The following ZNF180 variants were observed in gnomAD, a reference collection of about 807,000 sequenced individuals.
ZNF180 encodes the protein zinc finger protein 180 (HHZ168).
ZNF180 carries 11 observed loss-of-function variants against 11.8 expected under a neutral mutation model. That is an observed-to-expected ratio of 0.93 (90% CI 0.59 to 1.55). The LOEUF (loss-of-function observed/expected upper bound fraction) is 1.55. ZNF180 is among the 40% of genes most tolerant of loss of function. The pLI is 0.00. For missense variants in ZNF180, 773 were observed against 781.7 expected (o/e 0.99, Z 0.13); for synonymous variants, 287 against 257.7 (o/e 1.11, Z -1.09).
rs1969852241 is a variant in ZNF180 at position 44,475,865 on chromosome 19, A to G, written c.*537T>C. Reference sequence around the variant, plus strand: ...CACTATATATCATAGACACTTTCCTAAAATTTATAAAATCTTCACATGTAA... The same window carrying G: ...CACTATATATCATAGACACTTTCCTGAAATTTATAAAATCTTCACATGTAA... On this transcript the variant is annotated 3_prime_UTR_variant, in exon 5 of 5. Transcript: ENST00000592529. 1.3e-5 allele frequency: 2 copies of G among 152,290 alleles called. No homozygotes were observed. The allele number at this position is 152,290 out of a possible 1,614,324, so 9.4% of individuals were successfully genotyped here.
intron 1 of ZNF180, among the ~76,000 whole-genome samples, chr19:44,499,335 T>C (rs769641890): frequency 1.3e-5 from 2 of 152,184 alleles, no homozygotes; most frequent in African/African-American, 4.8e-5. Context: ...AACCTGCACA[T>C]TCTCACGCCT....
rs1306453526 is a variant in ZNF180 at position 44,475,804 on chromosome 19, GTGAA to G, written c.*594_*597del. 1.3e-5 allele frequency: 2 copies of G among 152,148 alleles called. No homozygotes were observed. Among genetic ancestry groups the G allele is most frequent in the African/African-American group, 4.8e-5 (2 of 41,432 alleles). 9.4% of individuals were successfully genotyped at this position (152,148 alleles called of 1,614,324 possible). On this transcript the variant is annotated 3_prime_UTR_variant, in exon 5 of 5. Coordinates refer to ENST00000592529, the MANE Select transcript of ZNF180 (RefSeq NM_001278509.3). ...ATATTTTATCATAATGGTTTTAGAA[GTGAA>G]TATTATTTCTATATTCTTTTCCCAC...
intron 4 of ZNF180, among the ~76,000 whole-genome samples, chr19:44,478,395 C>T (rs1969990100): frequency 6.6e-6 from 1 of 152,130 alleles, no homozygotes; most frequent in African/African-American, 2.4e-5. Context: ...ATAAATAAGA[C>T]TCTGGATGTC....
At position 44,476,437 on chromosome 19, in the gene ZNF180, T is replaced by C. The variant is rs1252767393; in HGVS notation, c.1963A>G (p.Thr655Ala). Residue 655 changes from threonine (T) to alanine (A), a missense_variant, in exon 5 of 5, where the codon ACT (threonine) becomes GCT (alanine). Thr to Ala is a moderately conservative substitution (Grantham distance 58). Coordinates refer to ENST00000592529, the MANE Select transcript of ZNF180 (RefSeq NM_001278509.3). ...NSYKLIRHQA[T>A]HTEEKLYECN Reference sequence around the variant, plus strand: ...TCATAGAGTTTCTCTTCAGTATGAGTTGCCTGATGCCTAATAAGTTTATAG... The same window carrying C: ...TCATAGAGTTTCTCTTCAGTATGAGCTGCCTGATGCCTAATAAGTTTATAG... 11 of 1,606,526 alleles carry C rather than the reference T, an allele frequency of 6.8e-6. No homozygotes were observed. The highest frequency in any genetic ancestry group is 9.4e-6 in the Non-Finnish European group (11 of 1,175,564).
chr19:44,488,921 C>G (rs1466205268), intron 2 of ZNF180, among the ~76,000 whole-genome samples: 1 of 150,910 alleles, frequency 6.6e-6, no homozygotes, highest in Non-Finnish European at 1.5e-5. Context: ...GCAACCGCCC[C>G]GTCTGAGAAG....
At position 44,476,605 on chromosome 19, in the gene ZNF180, T is replaced by C; in HGVS notation, c.1795A>G (p.Thr599Ala). 6.2e-7 allele frequency: 1 copy of C among 1,614,162 alleles called. No homozygotes were observed. Among genetic ancestry groups the C allele is most frequent in the Non-Finnish European group, 8.5e-7 (1 of 1,180,000 alleles). ...QSSCLTQHQR[T>A]HTGEKPFECN... ...TCAAATGGTTTCTCTCCAGTATGAG[T>C]TCTCTGATGTTGAGTAAGGCATGAA... The change falls in exon 5 of 5, where the codon ACT becomes GCT. Residue 599 changes from threonine to alanine, a missense_variant. Transcript: ENST00000592529.
intron 2 of ZNF180, among the ~76,000 whole-genome samples, chr19:44,493,547 G>A (rs1359261135): frequency 5.3e-5 from 8 of 152,220 alleles, no homozygotes; most frequent in African/African-American, 1.9e-4. Flanking sequence ...GAGTTGAGAA[G>A]TGTGGTAGCC....
intron 4 of ZNF180, 50 bp downstream of exon 4, chr19:44,479,233 T>C: frequency 6.3e-7 from 1 of 1,593,160 alleles, no homozygotes; most frequent in Non-Finnish European, 8.5e-7. Context: ...GATCAGAATG[T>C]GAAATCATTT....
At chr19:44,488,554 G>A (rs1429761585) in intron 2 of ZNF180, among the ~76,000 whole-genome samples, 2 of 152,190 alleles carry the variant, frequency 1.3e-5, no homozygotes, top group South Asian at 4.1e-4. Context: ...ACGGAGTCTC[G>A]TTCACTCAGT....
intron 2 of ZNF180, among the ~76,000 whole-genome samples, chr19:44,492,240 T>C (rs1169297444): frequency 6.6e-6 from 1 of 152,238 alleles, no homozygotes. Flanking sequence ...TTTATCTTTG[T>C]ATTCTCCTCA....
Position 44,478,022 on chromosome 19 carries a change from T to G in ZNF180, c.378A>C (p.Glu126Asp). The G allele has an allele frequency of 6.2e-7, 1 of 1,614,108 alleles. No individual in the cohort carries two copies. Among genetic ancestry groups the G allele is most frequent in the Non-Finnish European group, 8.5e-7 (1 of 1,179,986 alleles). ...ACTGGTCTTTACAATCATCCACTTCTTCACATGAAGATAACCAAGGATCAT... is the reference window on the plus strand; with the variant it reads ...ACTGGTCTTTACAATCATCCACTTCGTCACATGAAGATAACCAAGGATCAT... ...TRDDPWLSSC[E>D]EVDDCKDQLE... The change falls in exon 5 of 5, where the codon GAA becomes GAC. Residue 126 changes from glutamate to aspartate, a missense_variant. Physicochemically the swap from Glu to Asp is conservative, Grantham distance 45. Transcript: ENST00000592529.
Position 44,500,409 on chromosome 19 carries a change from T to A in ZNF180, c.-178A>T. 1 of 761,642 alleles carries A rather than the reference T, an allele frequency of 1.3e-6. No individual in the cohort carries two copies. 47.2% of individuals were successfully genotyped at this position (761,642 alleles called of 1,614,324 possible). ...GCAACACGGCCGACTCGGGTTAAGC[T>A]AGTTCGGTCCCCTCTCCTAGTCAGC... On this transcript the variant is annotated 5_prime_UTR_variant, in exon 1 of 5. Coordinates refer to ENST00000592529, the MANE Select transcript of ZNF180 (RefSeq NM_001278509.3).
At position 44,489,002 on chromosome 19, in the gene ZNF180, G is replaced by T. The variant is rs1396839856; in HGVS notation, c.52-4567C>A. On this transcript the variant is annotated intron_variant, in intron 2 of 4. Transcript: ENST00000592529. ...AGCCCCTCCGCCCGGCAGCCACCCT[G>T]TCTGGGAAGTGAGTAGCGTCTCCGC... Among the ~76,000 whole-genome samples the T allele has an allele frequency of 8.6e-5, 13 of 150,298 alleles. 1 individual carries two copies. Among genetic ancestry groups the T allele is most frequent in the African/African-American group, 3.2e-4 (13 of 40,704 alleles).
chr19:44,496,331 T>G (rs563545384), intron 2 of ZNF180, among the ~76,000 whole-genome samples: 198 of 152,178 alleles, frequency 1.3e-3, no homozygotes, highest in Non-Finnish European at 2.2e-3. Flanking sequence ...TTGTCAATAT[T>G]TTTACCTTAA....
chr19:44,484,396 C>T lies in ZNF180; in HGVS notation c.91G>A (p.Gly31Arg), dbSNP rs1322698615. Reference sequence around the variant, plus strand: ...ATGGTCAGAGACCCAGTGTCTTCTCCCTCGACTTTGATGATAATCTCTTGA... The same window carrying T: ...ATGGTCAGAGACCCAGTGTCTTCTCTCTCGACTTTGATGATAATCTCTTGA... ...LPQEIIIKVE[G>R]EDTGSLTIPS... The change falls in exon 3 of 5, where the codon GGA (glycine) becomes AGA (arginine). Residue 31 changes from glycine (G) to arginine (R), a missense_variant. By Grantham distance (125) the Gly-to-Arg change is moderately radical. Coordinates refer to ENST00000592529, the MANE Select transcript of ZNF180 (RefSeq NM_001278509.3). 6.2e-7 allele frequency: 1 copy of T among 1,614,086 alleles called. No homozygotes were observed. Among genetic ancestry groups the T allele is most frequent in the Middle Eastern group, 1.6e-4 (1 of 6,062 alleles).
intron 2 of ZNF180, among the ~76,000 whole-genome samples, chr19:44,494,239 T>C (rs1045777859): frequency 6.6e-6 from 1 of 152,092 alleles, no homozygotes; most frequent in African/African-American, 2.4e-5. Context: ...AGTCAATAAA[T>C]ATGTGACAAA....
intron 2 of ZNF180, chr19:44,496,672 C>CAAAAAAAAAAAAAAAAAAAAAAAGAAAA (rs1970591395): frequency 1.4e-5 from 1 of 71,624 alleles, no homozygotes; most frequent in African/African-American, 7.0e-5. Flanking sequence ...GACTCTGTCT[C>CAAAAAAAAAAAAAAAAAAAAAAAGAAAA]AAAAAAAAAA....
chr19:44,484,766 T>C, intron 2 of ZNF180: 1 of 290,662 alleles, frequency 3.4e-6, no homozygotes, highest in Non-Finnish European at 6.5e-6. Context: ...CAGCGGGACC[T>C]GCCAAAATTC....
intron 2 of ZNF180, among the ~76,000 whole-genome samples, chr19:44,491,062 G>C (rs746130087): frequency 1.3e-5 from 2 of 152,202 alleles, no homozygotes; most frequent in African/African-American, 2.4e-5. Context: ...TGTTTACCGT[G>C]ACTCCACCAT....
Sources: gnomAD v4.1 joint callset for allele counts (sites outside exome capture counted in the v4.1 genomes callset) on GRCh38, gnomAD v4.1.1 for gene constraint, MANE v1.5 for transcripts, NCBI Gene and HGNC (gene_info 2026-07-23, HGNC 2026-07-21) for gene names.